The following TSPO2 variants were observed in gnomAD, a reference collection of about 807,000 sequenced individuals.
TSPO2 encodes the protein benzodiazapine receptor (peripheral)-like 1.
Under a neutral mutation model 13.3 loss-of-function variants are expected in TSPO2, and 15 were observed. The observed-to-expected ratio is 1.13, with a 90% confidence interval of 0.75 to 1.73. The LOEUF is 1.73. TSPO2 is among the 40% of genes most tolerant of loss of function. The pLI is 0.00. For missense variants in TSPO2, 202 were observed against 198.3 expected, an observed-to-expected ratio of 1.02 and a Z score of -0.11; for synonymous variants, 81 against 91.6, an observed-to-expected ratio of 0.88 and a Z score of 0.66.
chr6:41,042,456 A>C (rs1222226248), upstream of TSPO2: 2 of 321,888 alleles, frequency 6.2e-6, no homozygotes, highest in Non-Finnish European at 1.2e-5. Context: ...ATGGTGAGAT[A>C]AGCCTGGGAC....
chr6:41,044,005 C>A lies in TSPO2; in HGVS notation c.381C>A (p.Ile127=). 1 of 1,614,200 alleles carries A rather than the reference C, an allele frequency of 6.2e-7. No individual in the cohort carries two copies. Reference sequence around the variant, plus strand: ...GCACAGCACTGATCTGGCATCCCATCAACAAACTGGCTGCCCTGTTACTGC... The same window carrying A: ...GCACAGCACTGATCTGGCATCCCATAAACAAACTGGCTGCCCTGTTACTGC... ...VVSTALIWHP[I]NKLAALLLLP... is the part of the protein sequence containing the mutation. Residue 127 remains isoleucine, a synonymous_variant, in exon 4 of 4, where the codon ATC becomes ATA. Coordinates refer to ENST00000373161, the MANE Select transcript of TSPO2 (RefSeq NM_001010873.3).
chr6:41,041,495 GGGGGCAGGGA>G (rs974224240), upstream of TSPO2, among the ~76,000 whole-genome samples: 1 of 152,234 alleles, frequency 6.6e-6, no homozygotes, highest in African/African-American at 2.4e-5. Context: ...AAAAGAGGAT[GGGGGCAGGGA>G]GGGGCAGGGA....
In TSPO2 at chr6:41,044,105, C is replaced by T; in HGVS notation, c.481C>T (p.His161Tyr). ...GTGGAGGGACAGCCTTTGTCCAGTG[C>T]ACCAGCCTCAGCCCACGGAGAAGAG... ...HLWRDSLCPV[H>Y]QPQPTEKSD The change falls in exon 4 of 4, where the codon CAC (histidine) becomes TAC (tyrosine). Residue 161 changes from histidine to tyrosine, a missense_variant. By Grantham distance (83) the His-to-Tyr change is moderately conservative. Transcript: ENST00000373161. 2 of 1,614,202 alleles carry T rather than the reference C, an allele frequency of 1.2e-6. No homozygotes were observed. Among genetic ancestry groups the T allele is most frequent in the South Asian group, 1.1e-5 (1 of 91,088 alleles).
rs1468462781 is a variant in TSPO2, at chr6:41,042,638, G to C, written c.-161G>C. On this transcript the variant is annotated 5_prime_UTR_variant, in exon 1 of 4. Transcript: ENST00000373161. ...CCACTGCAGAAAAGCTCATCACCCG[G>C]GACCTGATCTCCAGGACTCAGAAGC... 2.2e-5 allele frequency: 11 copies of C among 497,564 alleles called. No individual in the cohort carries two copies. Among genetic ancestry groups the C allele is most frequent in the Non-Finnish European group, 3.9e-5 (10 of 254,618 alleles). 30.8% of individuals were successfully genotyped at this position (497,564 alleles called of 1,614,324 possible).
In TSPO2 at chr6:41,044,141, C is replaced by A; in HGVS notation, c.*4C>A. The A allele has an allele frequency of 6.2e-7, 1 of 1,613,994 alleles. No individual in the cohort carries two copies. On this transcript the variant is annotated 3_prime_UTR_variant, in exon 4 of 4. Transcript: ENST00000373161. ...GCCCACGGAGAAGAGTGACTGAGGC[C>A]CTAGGGCATGGGAGAGGAGGGACGC...
chr6:41,043,857 A>G, intron 3 of TSPO2, 83 bp from the exon 4 acceptor site: 1 of 1,548,334 alleles, frequency 6.5e-7, no homozygotes, highest in African/African-American at 1.4e-5. Flanking sequence ...CCAGGGACTG[A>G]GCTCGTTGCT....
rs1241195653 is a variant in TSPO2 at position 41,043,655 on chromosome 6, G to C, written c.272G>C (p.Trp91Ser). 1.2e-6 allele frequency: 2 copies of C among 1,612,948 alleles called. No homozygotes were observed. The highest frequency in any genetic ancestry group is 1.3e-5 in the African/African-American group (1 of 74,898). Reference protein sequence around the residue: ...GLYAVQLTISWTVLVLFFTVH... With the variant: ...GLYAVQLTISSTVLVLFFTVH... ...TATGCTGTTCAGCTCACCATCAGCT[G>C]GACTGTCCTGGTTCTCTTTTTCACA... Residue 91 changes from tryptophan to serine, a missense_variant, in exon 3 of 4, where the codon TGG (tryptophan) becomes TCG (serine). Coordinates refer to ENST00000373161, the MANE Select transcript of TSPO2 (RefSeq NM_001010873.3).
chr6:41,042,830 A>G, intron 1 of TSPO2, 52 bp downstream of exon 1: 1 of 833,574 alleles, frequency 1.2e-6, no homozygotes, highest in South Asian at 1.4e-5. Context: ...GAGCTGGGCC[A>G]GGGAGAGAGG....
rs1319264751 is a variant in TSPO2, at chr6:41,043,565, C to T, written c.182C>T (p.Ser61Phe). 2 of 1,594,678 alleles carry T rather than the reference C, an allele frequency of 1.3e-6. No homozygotes were observed. The highest frequency in any genetic ancestry group is 2.7e-5 in the African/African-American group (2 of 74,066). ...TAIYSVVGYA[S>F]YLVWKDLGGG... ...CCACCATGTCTCCACAGCTATGCCT[C>T]CTACCTGGTGTGGAAGGACCTGGGA... The change falls in exon 3 of 4, where the codon TCC becomes TTC. Residue 61 changes from serine (S) to phenylalanine (F), a missense_variant. Transcript: ENST00000373161.
At position 41,043,572 on chromosome 6, in the gene TSPO2, G is replaced by GGT. The variant is rs1437869032; in HGVS notation, c.193_194dup (p.Trp65CysfsTer55). ...GTCTCCACAGCTATGCCTCCTACCT[G>GGT]GTGTGGAAGGACCTGGGAGGGGGCT... On this transcript the variant is annotated frameshift_variant, in exon 3 of 4. Coordinates refer to ENST00000373161, the MANE Select transcript of TSPO2 (RefSeq NM_001010873.3). LOFTEE classifies it high-confidence loss of function. 7 of 1,601,444 alleles carry GGT rather than the reference G, an allele frequency of 4.4e-6. No individual in the cohort carries two copies. The South Asian group carries it at 7.8e-5, about 18-fold the overall frequency.
intron 3 of TSPO2, 31 bp from the exon 4 acceptor site, chr6:41,043,909 C>T (rs1246843156): frequency 1.2e-6 from 2 of 1,601,028 alleles, no homozygotes; most frequent in South Asian, 1.1e-5. Flanking sequence ...GGTTCTCGGG[C>T]AGCCAGCTGA....
In TSPO2 at chr6:41,043,131, TACAG is replaced by T; in HGVS notation, c.151_154del (p.Thr51ProfsTer67). 1 of 1,613,636 alleles carries T rather than the reference TACAG, an allele frequency of 6.2e-7. No individual in the cohort carries two copies. Among genetic ancestry groups the T allele is most frequent in the Non-Finnish European group, 8.5e-7 (1 of 1,179,764 alleles). On this transcript the variant is annotated frameshift_variant, in exon 2 of 4. Transcript: ENST00000373161. LOFTEE classifies it high-confidence loss of function. ...CCATTCTACAAAGTCTTATTGCTTG[TACAG>T]ACAGCCATCTACTCTGTCGTGGGGT...
At chr6:41,043,208 C>T (rs1189608978) in intron 2 of TSPO2, 50 bp downstream of exon 2, 1 of 1,561,302 alleles carries the variant, frequency 6.4e-7, no homozygotes, top group Admixed American at 1.9e-5. Context: ...GGGGTGGGAA[C>T]AAGTCCTCTA....
Position 41,044,119 on chromosome 6 carries a change from C to T in TSPO2, c.495C>T (p.Pro165=), listed in dbSNP as rs139622203. 6.0e-4 allele frequency: 961 copies of T among 1,614,106 alleles called. 1 individual carries two copies. The highest frequency in any genetic ancestry group is 1.2e-3 in the Admixed American group (74 of 60,018). ...TTTGTCCAGTGCACCAGCCTCAGCC[C>T]ACGGAGAAGAGTGACTGAGGCCCTA... ...DSLCPVHQPQ[P]TEKSD Residue 165 remains proline (P), a synonymous_variant, in exon 4 of 4, where the codon CCC becomes CCT. Transcript: ENST00000373161.
intron 2 of TSPO2, 108 bp from the exon 3 acceptor site, chr6:41,043,449 C>T (rs1762622759): frequency 1.4e-6 from 2 of 1,407,274 alleles, no homozygotes; most frequent in South Asian, 1.4e-5. Flanking sequence ...ACCCATCTGC[C>T]CCCATTTCAG....
At chr6:41,043,294 C>G (rs1355017870) in intron 2 of TSPO2, 136 bp downstream of exon 2, 22 of 1,163,142 alleles carry the variant, frequency 1.9e-5, no homozygotes, top group Non-Finnish European at 2.3e-5. Flanking sequence ...AGTGGGTCCT[C>G]CAGAAAGTAA....
chr6:41,044,127 A>G lies in TSPO2; in HGVS notation c.503A>G (p.Lys168Arg). Residue 168 changes from lysine (K) to arginine (R), a missense_variant, in exon 4 of 4, where the codon AAG becomes AGG. By Grantham distance (26) the Lys-to-Arg change is conservative. Coordinates refer to ENST00000373161, the MANE Select transcript of TSPO2 (RefSeq NM_001010873.3). The stretch of plus-strand genomic sequence containing the variant: ...GTGCACCAGCCTCAGCCCACGGAGA[A>G]GAGTGACTGAGGCCCTAGGGCATGG... ...CPVHQPQPTE[K>R]SD The G allele has an allele frequency of 6.2e-7, 1 of 1,614,150 alleles. No homozygotes were observed. The highest frequency in any genetic ancestry group is 8.5e-7 in the Non-Finnish European group (1 of 1,180,020).
rs533890647 is a variant in TSPO2 at position 41,044,128 on chromosome 6, G to A, written c.504G>A (p.Lys168=). The A allele has an allele frequency of 5.6e-6, 9 of 1,614,170 alleles. No individual in the cohort carries two copies. The South Asian group carries it at 8.8e-5, about 16-fold the overall frequency. Residue 168 remains lysine (K), a synonymous_variant, in exon 4 of 4, where the codon AAG becomes AAA. Transcript: ENST00000373161. The stretch of plus-strand genomic sequence containing the variant: ...TGCACCAGCCTCAGCCCACGGAGAA[G>A]AGTGACTGAGGCCCTAGGGCATGGG... ...CPVHQPQPTE[K]SD is the part of the protein sequence containing the mutation.
chr6:41,043,406 C>G, intron 2 of TSPO2, 151 bp from the exon 3 acceptor site: 1 of 1,096,336 alleles, frequency 9.1e-7, no homozygotes, highest in Non-Finnish European at 1.3e-6. Flanking sequence ...CTCCTCCCAC[C>G]AACTCCCTCC....
Sources: allele counts gnomAD v4.1 joint callset (sites outside exome capture counted in the v4.1 genomes callset), GRCh38; gene constraint gnomAD v4.1.1; transcripts MANE v1.5; gene names NCBI Gene and HGNC (gene_info 2026-07-23, HGNC 2026-07-21).